Variants in GRIK1 observed in about 807,000 individuals in gnomAD.
GRIK1 encodes glutamate ionotropic receptor kainate type subunit 1.
A neutral mutation model predicts 105.7 loss-of-function variants in GRIK1; 69 were observed. The observed-to-expected ratio is 0.65, with a 90% CI of 0.54 to 0.80. The LOEUF (loss-of-function observed/expected upper bound fraction) is 0.80. Among genes scored for constraint, GRIK1 ranks in the 30% least tolerant of loss-of-function variants. The probability of loss-of-function intolerance (pLI) is 0.00; values close to 1 mark genes in which losing one functional copy is unlikely to be tolerated. For synonymous variants in GRIK1, 438 were observed against 431.3 expected (o/e 1.02, Z -0.19); for missense variants, 1,109 against 1,167.3 (o/e 0.95, Z 0.73).
chr21:29,675,792 A>C (rs1392245773), intron 3 of GRIK1, among the ~76,000 whole-genome samples: 1 of 152,164 alleles, frequency 6.6e-6, no homozygotes, highest in East Asian at 1.9e-4. Flanking sequence ...AACTTGCTCA[A>C]GGTTATATAG....
chr21:29,645,635 C>T (rs1230322414), intron 6 of GRIK1, among the ~76,000 whole-genome samples: 1 of 152,194 alleles, frequency 6.6e-6, no homozygotes, highest in African/African-American at 2.4e-5. Context: ...AAAATGTTTA[C>T]ATTAACTATA....
chr21:29,894,907 T>C (rs906762099), intron 1 of GRIK1, among the ~76,000 whole-genome samples: 1 of 152,194 alleles, frequency 6.6e-6, no homozygotes, highest in Non-Finnish European at 1.5e-5. Context: ...AAGGCAGTCA[T>C]CTGGCTTTCT....
At chr21:29,553,731 A>C in intron 16 of GRIK1, 1 of 1,447,262 alleles carries the variant, frequency 6.9e-7, no homozygotes, top group Non-Finnish European at 9.4e-7. Flanking sequence ...ATGAGAAAAA[A>C]ATATAGAAAA....
chr21:29,603,640 G>T (rs939106371), intron 7 of GRIK1, among the ~76,000 whole-genome samples: 1 of 152,052 alleles, frequency 6.6e-6, no homozygotes. Context: ...TTGTACTCTG[G>T]TCATTCTTTC....
intron 1 of GRIK1, among the ~76,000 whole-genome samples, chr21:29,871,677 ATCGTAAG>A (rs2069016735): frequency 6.6e-6 from 1 of 152,092 alleles, no homozygotes; most frequent in Admixed American, 6.6e-5. Flanking sequence ...AAAGTTTTGA[ATCGTAAG>A]TCCTTGTGTT....
At position 29,673,594 on chromosome 21, in the gene GRIK1, C is replaced by G. The variant is rs549829832; in HGVS notation, c.545-430G>C. On this transcript the variant is annotated intron_variant, in intron 3 of 17. Transcript: ENST00000327783. ...GTCTAGGCTATAAACTTCTGTAAGC[C>G]TTTTATTAAGTATTTATATATAACA... Among the ~76,000 whole-genome samples the G allele has an allele frequency of 7.2e-5, 11 of 152,192 alleles. No homozygotes were observed. The East Asian group carries it at 2.1e-3, about 29-fold the overall frequency.
chr21:29,618,102 T>A (rs746869972), intron 7 of GRIK1, among the ~76,000 whole-genome samples: 14 of 152,178 alleles, frequency 9.2e-5, no homozygotes, highest in Non-Finnish European at 1.6e-4. Flanking sequence ...TCTTTGATAT[T>A]TCTTCCTCCA....
chr21:29,632,274 A>G (rs888814187), intron 7 of GRIK1, among the ~76,000 whole-genome samples: 4 of 152,220 alleles, frequency 2.6e-5, no homozygotes, highest in South Asian at 4.2e-4. Context: ...TGACTAGAGT[A>G]TAAGTTTCAT....
intron 7 of GRIK1, among the ~76,000 whole-genome samples, chr21:29,623,443 CTCCTTAAAAAAAAAAATCAA>C (rs1601303184): frequency 6.8e-6 from 1 of 147,720 alleles, no homozygotes; most frequent in African/African-American, 2.6e-5. Context: ...TTTGAAAAAT[CTCCTTAAAAAAAAAAATCAA>C]TAGGAAGCTG....
intron 1 of GRIK1, among the ~76,000 whole-genome samples, chr21:29,826,101 C>T (rs973600846): frequency 6.6e-6 from 1 of 152,120 alleles, no homozygotes; most frequent in African/African-American, 2.4e-5. Flanking sequence ...TCTGCACACA[C>T]TTTTCTCTCT....
intron 1 of GRIK1, among the ~76,000 whole-genome samples, chr21:29,934,414 C>T (rs2071677139): frequency 6.6e-6 from 1 of 152,108 alleles, no homozygotes; most frequent in African/African-American, 2.4e-5. Context: ...GTCAGGCACT[C>T]CCTTTTATGT....
intron 1 of GRIK1, among the ~76,000 whole-genome samples, chr21:29,809,539 C>T (rs462379): frequency 0.81 from 122,157 of 151,730 alleles, 49,936 homozygotes; most frequent in Non-Finnish European, 0.88. Context: ...GAGGCTCTTG[C>T]GGCTGGTTTG....
intron 6 of GRIK1, among the ~76,000 whole-genome samples, chr21:29,644,059 G>A (rs184678393): frequency 6.6e-6 from 1 of 151,940 alleles, no homozygotes; most frequent in Admixed American, 6.6e-5. Context: ...GTTAAACCTA[G>A]AATCTAGGTC....
chr21:29,821,003 T>G (rs2067286912), intron 1 of GRIK1, among the ~76,000 whole-genome samples: 1 of 150,720 alleles, frequency 6.6e-6, no homozygotes, highest in Non-Finnish European at 1.5e-5. Context: ...AGCAATATCC[T>G]ATAAAGTTGA....
At chr21:29,599,725 G>A (rs1479447059) in intron 7 of GRIK1, among the ~76,000 whole-genome samples, 1 of 152,202 alleles carries the variant, frequency 6.6e-6, no homozygotes, top group African/African-American at 2.4e-5. Flanking sequence ...GCAAGGTGGA[G>A]GTTGTGGTGA....
intron 7 of GRIK1, among the ~76,000 whole-genome samples, chr21:29,617,948 T>C (rs363436): frequency 0.19 from 28,433 of 152,194 alleles, 2,850 homozygotes; most frequent in Non-Finnish European, 0.23. Flanking sequence ...TTTCCATTGT[T>C]CTGTGGCATT....
At chr21:29,721,348 G>T (rs1275747203) in intron 1 of GRIK1, among the ~76,000 whole-genome samples, 1 of 152,100 alleles carries the variant, frequency 6.6e-6, no homozygotes. Context: ...AAAGCTTTGG[G>T]GAACATTGTG....
rs746842761 is a variant in GRIK1, at chr21:29,900,459, C to CAAAAAAA, written c.118+38923_118+38924insTTTTTTT. Among the ~76,000 whole-genome samples, 254 of 78,238 alleles carry CAAAAAAA rather than the reference C, an allele frequency of 3.2e-3. 10 individuals are homozygous for CAAAAAAA. Among genetic ancestry groups the CAAAAAAA allele is most frequent in the Middle Eastern group, 0.025 (3 of 122 alleles). 51.3% of individuals were successfully genotyped at this position (78,238 alleles called of 152,430 possible). A position where few individuals can be genotyped will look rare whatever the true frequency, so the allele number is the denominator to read the frequency against. On this transcript the variant is annotated intron_variant, in intron 1 of 17. Coordinates refer to ENST00000327783, the MANE Select transcript of GRIK1 (RefSeq NM_001330994.2). The stretch of plus-strand genomic sequence containing the variant: ...GAAGATCTACCAAACAAATGGAAAG[C>CAAAAAAA]AAGAAAAAAAAAAAAAAAAAGCAAG...
At chr21:29,783,552 C>T (rs556091243) in intron 1 of GRIK1, among the ~76,000 whole-genome samples, 1 of 151,952 alleles carries the variant, frequency 6.6e-6, no homozygotes, top group African/African-American at 2.4e-5. Flanking sequence ...TATTATAGTC[C>T]TTATATGGTT....
Sources: allele counts gnomAD v4.1 joint callset (sites outside exome capture counted in the v4.1 genomes callset), GRCh38; gene constraint gnomAD v4.1.1; transcripts MANE v1.5; gene names NCBI Gene and HGNC (gene_info 2026-07-23, HGNC 2026-07-21).